CADPS2: variants seen among roughly 807,000 people sequenced by gnomAD.
CADPS2 encodes the protein calcium-dependent secretion activator 2.
Under a neutral mutation model 172.5 loss-of-function variants are expected in CADPS2, and 93 were observed. That is an observed-to-expected ratio of 0.54 (90% CI 0.46 to 0.64). The LOEUF (loss-of-function observed/expected upper bound fraction) is 0.64. Among genes scored for constraint, CADPS2 ranks in the 30% least tolerant of loss-of-function variants. The probability of loss-of-function intolerance (pLI) is 0.00; values close to 1 mark genes in which losing one functional copy is unlikely to be tolerated. For synonymous variants in CADPS2, 546 were observed against 555.2 expected (o/e 0.98, Z 0.23); for missense variants, 1,420 against 1,565.9 (o/e 0.91, Z 1.57).
At chr7:122,752,823 A>G (rs1051078060) in intron 1 of CADPS2, among the ~76,000 whole-genome samples, 11 of 152,182 alleles carry the variant, frequency 7.2e-5, no homozygotes, top group Admixed American at 2.0e-4. Flanking sequence ...CTGCTCCCAA[A>G]AAAGAATAGG....
chr7:122,565,441 A>G (rs2066333901), intron 7 of CADPS2, among the ~76,000 whole-genome samples: 1 of 152,178 alleles, frequency 6.6e-6, no homozygotes, highest in Non-Finnish European at 1.5e-5. Context: ...GGAATGATTC[A>G]TGGGCAGAAG....
rs530005210 is a variant in CADPS2 at position 122,747,871 on chromosome 7, T to C, written c.340-10803A>G. Among the ~76,000 whole-genome samples, 8 of 152,252 alleles carry C rather than the reference T, an allele frequency of 5.3e-5. No individual in the cohort carries two copies. In the South Asian group the frequency reaches 1.0e-3, roughly 20 times the overall value. On this transcript the variant is annotated intron_variant, in intron 1 of 29. Transcript: ENST00000449022. ...TTTGCTTCCTCTGCCTAGAATACCA[T>C]AGAACCTAATTAAGACGACACCTCC...
At chr7:122,847,172 C>T (rs560191732) in intron 1 of CADPS2, among the ~76,000 whole-genome samples, 3 of 152,100 alleles carry the variant, frequency 2.0e-5, no homozygotes, top group Non-Finnish European at 4.4e-5. Context: ...CTGCAACCTC[C>T]GCCTCCTGGG....
intron 2 of CADPS2, among the ~76,000 whole-genome samples, chr7:122,736,391 T>C (rs908827294): frequency 4.6e-5 from 7 of 152,212 alleles, no homozygotes; most frequent in African/African-American, 1.7e-4. Context: ...TAACAGCTAG[T>C]GGCAACTCAC....
intron 1 of CADPS2, among the ~76,000 whole-genome samples, chr7:122,872,983 G>A (rs1050234472): frequency 3.2e-4 from 49 of 152,000 alleles, no homozygotes; most frequent in African/African-American, 1.1e-3. Flanking sequence ...TAAGGAAGGC[G>A]AAGGAAGAGT....
chr7:122,704,718 C>T (rs946243083), intron 2 of CADPS2, among the ~76,000 whole-genome samples: 5 of 152,090 alleles, frequency 3.3e-5, no homozygotes, highest in East Asian at 1.9e-4. Flanking sequence ...CTTCTGCCCT[C>T]GTCTTACAAC....
chr7:122,513,816 A>G (rs2060164317), intron 8 of CADPS2, among the ~76,000 whole-genome samples: 1 of 152,158 alleles, frequency 6.6e-6, no homozygotes, highest in African/African-American at 2.4e-5. Context: ...CACCTATCAA[A>G]CGAAAGGATG....
chr7:122,492,875 T>C (rs2058424032), intron 9 of CADPS2, among the ~76,000 whole-genome samples: 1 of 152,044 alleles, frequency 6.6e-6, no homozygotes, highest in Non-Finnish European at 1.5e-5. Context: ...TTTTAAAAAA[T>C]ATTTATAGAG....
At chr7:122,541,693 ATG>A (rs2062999837) in intron 8 of CADPS2, among the ~76,000 whole-genome samples, 2 of 145,624 alleles carry the variant, frequency 1.4e-5, no homozygotes, top group East Asian at 2.0e-4. Context: ...TTATTCATAT[ATG>A]TTTATATATT....
rs16870873 is a variant in CADPS2, at chr7:122,813,164, C to T, written c.339+72835G>A. Among the ~76,000 whole-genome samples, 597 of 152,002 alleles carry T rather than the reference C, an allele frequency of 3.9e-3. 1 individual carries two copies. Among genetic ancestry groups the T allele is most frequent in the Admixed American group, 8.1e-3 (124 of 15,264 alleles). ...GTTGGTGTTATTATCCTAGAGAAAA[C>T]TGCAAGCTAATTATGTCCATCAGTA... On this transcript the variant is annotated intron_variant, in intron 1 of 29. Coordinates refer to ENST00000449022, the MANE Select transcript of CADPS2 (RefSeq NM_017954.11).
chr7:122,472,528 C>G (rs1383105068), intron 13 of CADPS2, among the ~76,000 whole-genome samples: 2 of 152,168 alleles, frequency 1.3e-5, no homozygotes, highest in Non-Finnish European at 1.5e-5. Context: ...CTCCAAAACA[C>G]TTTCTAGGCA....
chr7:122,450,509 AGTATTGGTGG>A (rs1286176113), intron 15 of CADPS2, among the ~76,000 whole-genome samples: 1 of 139,028 alleles, frequency 7.2e-6, no homozygotes, highest in Non-Finnish European at 1.6e-5. Context: ...AATGTTTCTT[AGTATTGGTGG>A]CCTTTTTTTT....
At chr7:122,335,203 T>G (rs909451304) in intron 28 of CADPS2, among the ~76,000 whole-genome samples, 1 of 152,216 alleles carries the variant, frequency 6.6e-6, no homozygotes, top group Non-Finnish European at 1.5e-5. Flanking sequence ...AACATGTACT[T>G]TTACTGCCTC....
In CADPS2 at chr7:122,509,232, G is replaced by C. The variant is rs953314491; in HGVS notation, c.1542+4017C>G. 2.6e-5 allele frequency among the ~76,000 whole-genome samples: 4 copies of C among 152,154 alleles called. No individual in the cohort carries two copies. The South Asian group carries it at 6.2e-4, about 24-fold the overall frequency. Reference sequence around the variant, plus strand: ...ATAGGATGGGCAGCCACTTCTTTATGTTGAAAGCAGATCTTGATGACATCC... The same window carrying C: ...ATAGGATGGGCAGCCACTTCTTTATCTTGAAAGCAGATCTTGATGACATCC... On this transcript the variant is annotated intron_variant, in intron 9 of 29. Coordinates refer to ENST00000449022, the MANE Select transcript of CADPS2 (RefSeq NM_017954.11).
At chr7:122,550,115 C>A (rs2064076835) in intron 8 of CADPS2, among the ~76,000 whole-genome samples, 1 of 152,136 alleles carries the variant, frequency 6.6e-6, no homozygotes, top group Non-Finnish European at 1.5e-5. Context: ...GCCCAGCTGG[C>A]CCTCTCTCTG....
At chr7:122,361,359 G>A (rs1296109448) in intron 25 of CADPS2, among the ~76,000 whole-genome samples, 4 of 148,892 alleles carry the variant, frequency 2.7e-5, no homozygotes, top group African/African-American at 7.4e-5. Flanking sequence ...TCAGCCTCCC[G>A]AGTAGCTGGA....
chr7:122,381,767 G>C (rs2043031684), intron 24 of CADPS2, among the ~76,000 whole-genome samples: 1 of 152,000 alleles, frequency 6.6e-6, no homozygotes, highest in Admixed American at 6.6e-5. Context: ...TGGGGAGGGA[G>C]GGAGAGAAAA....
intron 25 of CADPS2, among the ~76,000 whole-genome samples, chr7:122,362,544 A>G (rs2040295940): frequency 1.3e-5 from 2 of 152,206 alleles, no homozygotes; most frequent in African/African-American, 2.4e-5. Context: ...GAAGCATTTT[A>G]CTTTATTTAG....
At chr7:122,356,200 C>G (rs1393126261) in intron 27 of CADPS2, among the ~76,000 whole-genome samples, 1 of 152,120 alleles carries the variant, frequency 6.6e-6, no homozygotes, top group Non-Finnish European at 1.5e-5. Flanking sequence ...TTGGACTCCT[C>G]TTGGTTGTGT....
Sources: allele counts gnomAD v4.1 joint callset (sites outside exome capture counted in the v4.1 genomes callset), GRCh38; gene constraint gnomAD v4.1.1; transcripts MANE v1.5; gene names NCBI Gene and HGNC (gene_info 2026-07-23, HGNC 2026-07-21).